The following MAP3K4 variants were observed in gnomAD, a reference collection of about 807,000 sequenced individuals.
The protein encoded by MAP3K4 is MAP three kinase 1.
Under a neutral mutation model 185.6 loss-of-function variants are expected in MAP3K4, and 67 were observed. The observed-to-expected ratio is 0.36, with a 90% CI of 0.30 to 0.44. The LOEUF (loss-of-function observed/expected upper bound fraction) is 0.44, where lower values mean the gene tolerates loss of function less well. Among genes scored for constraint, MAP3K4 ranks in the 20% least tolerant of loss-of-function variants. MAP3K4 has a pLI of 1.00. For missense variants in MAP3K4, 1,551 were observed against 1,995.1 expected, an observed-to-expected ratio of 0.78 and a Z score of 4.24; for synonymous variants, 702 against 710.4, an observed-to-expected ratio of 0.99 and a Z score of 0.19.
At chr6:161,025,560 A>T (rs958534443) in intron 1 of MAP3K4, among the ~76,000 whole-genome samples, 4 of 152,214 alleles carry the variant, frequency 2.6e-5, no homozygotes, top group Non-Finnish European at 5.9e-5. Flanking sequence ...TGTAATCCAA[A>T]TTTTAAGAAA....
At chr6:161,000,554 G>C (rs1781219011) in intron 1 of MAP3K4, among the ~76,000 whole-genome samples, 1 of 152,184 alleles carries the variant, frequency 6.6e-6, no homozygotes. Flanking sequence ...ATTAATTTTA[G>C]AGTAAAATTG....
At chr6:161,094,406 T>G (rs888005404) in intron 15 of MAP3K4, among the ~76,000 whole-genome samples, 2 of 152,254 alleles carry the variant, frequency 1.3e-5, no homozygotes, top group African/African-American at 4.8e-5. Flanking sequence ...GGTTACAGTT[T>G]ATGTACAATT....
chr6:161,101,775 G>T lies in MAP3K4; in HGVS notation c.3675-117G>T. The stretch of plus-strand genomic sequence containing the variant: ...CTAATACATTGCTGGAGGCAGAGTT[G>T]TTCCTGGCAGGCAGAGTTGCCCCCA... On this transcript the variant is annotated intron_variant, in intron 17 of 26. Coordinates refer to ENST00000392142, the MANE Select transcript of MAP3K4 (RefSeq NM_005922.4). The surrounding 1 kb of genome is among the most constrained non-coding windows in gnomAD (Gnocchi z 5.1). 1 of 803,148 alleles carries T rather than the reference G, an allele frequency of 1.2e-6. No homozygotes were observed. 49.8% of individuals were successfully genotyped at this position (803,148 alleles called of 1,614,324 possible).
chr6:161,114,785 A>G lies in MAP3K4; in HGVS notation c.4627-338A>G, dbSNP rs993465533. On this transcript the variant is annotated intron_variant, in intron 25 of 26. Transcript: ENST00000392142. The surrounding 1 kb of genome is among the most constrained non-coding windows in gnomAD (Gnocchi z 4.3). ...GTCATTTTATATATTTTTTAGTTGC[A>G]TGATGATGGCTTCTAGATACTGTTG... Among the ~76,000 whole-genome samples the G allele has an allele frequency of 1.3e-5, 2 of 152,178 alleles. No homozygotes were observed. The highest frequency in any genetic ancestry group is 1.3e-4 in the Admixed American group (2 of 15,274).
In MAP3K4 at chr6:161,093,422, T is replaced by C. The variant is rs1447217588; in HGVS notation, c.3349-351T>C. On this transcript the variant is annotated intron_variant, in intron 14 of 26. Coordinates refer to ENST00000392142, the MANE Select transcript of MAP3K4 (RefSeq NM_005922.4). This position sits in a 1 kb window ranked among gnomAD's most constrained non-coding sequence, Gnocchi z 5.2. ...TCATGCTCGTGTTAAATATTATCAC[T>C]GTTAGTCTGATAAGTGTCATCAGAT... 6.6e-6 allele frequency among the ~76,000 whole-genome samples: 1 copy of C among 152,234 alleles called. No homozygotes were observed. Among genetic ancestry groups the C allele is most frequent in the Admixed American group, 6.5e-5 (1 of 15,286 alleles).
chr6:161,075,910 A>G lies in MAP3K4; in HGVS notation c.2097+2298A>G, dbSNP rs1785153815. ...AGGGCAAAGGTGTGTTCTGAGGACT[A>G]GGGGAGCCCAAACAAAATCAGTGTT... On this transcript the variant is annotated intron_variant, in intron 5 of 26. Coordinates refer to ENST00000392142, the MANE Select transcript of MAP3K4 (RefSeq NM_005922.4). The surrounding 1 kb of genome is among the most constrained non-coding windows in gnomAD (Gnocchi z 4.3). Among the ~76,000 whole-genome samples the G allele has an allele frequency of 6.6e-6, 1 of 152,220 alleles. No individual in the cohort carries two copies. The highest frequency in any genetic ancestry group is 2.1e-4 in the South Asian group (1 of 4,828).
chr6:161,012,259 C>T (rs1781883948), intron 1 of MAP3K4, among the ~76,000 whole-genome samples: 1 of 152,186 alleles, frequency 6.6e-6, no homozygotes, highest in South Asian at 2.1e-4. Flanking sequence ...TGTTCTTTCT[C>T]AGCTCCATTC....
At chr6:161,028,573 C>T (rs1036027543) in intron 1 of MAP3K4, among the ~76,000 whole-genome samples, 2 of 152,032 alleles carry the variant, frequency 1.3e-5, no homozygotes, top group African/African-American at 4.8e-5. Context: ...GTTCTAGACA[C>T]CGGAGAAGCA....
At chr6:161,009,639 A>G in intron 1 of MAP3K4, among the ~76,000 whole-genome samples, 1 of 152,214 alleles carries the variant, frequency 6.6e-6, no homozygotes, top group East Asian at 1.9e-4. Flanking sequence ...CCATTCATCC[A>G]TTGATGAACA....
chr6:161,113,854 G>C (rs1778472896), intron 25 of MAP3K4, among the ~76,000 whole-genome samples: 1 of 121,192 alleles, frequency 8.3e-6, no homozygotes, highest in South Asian at 3.0e-4. Flanking sequence ...AGGAGTGCAA[G>C]TGGCATGATC....
In MAP3K4 at chr6:161,074,104, A is replaced by G. The variant is rs1785066738; in HGVS notation, c.2097+492A>G. Among the ~76,000 whole-genome samples the G allele has an allele frequency of 6.6e-6, 1 of 152,208 alleles. No individual in the cohort carries two copies. Among genetic ancestry groups the G allele is most frequent in the Admixed American group, 6.5e-5 (1 of 15,280 alleles). ...AAGACACTCGTAGTCTGGTGGGACT[A>G]GGCATGGTAGATGGTAACGCCCCCG... is the stretch of plus-strand genomic sequence containing the variant. On this transcript the variant is annotated intron_variant, in intron 5 of 26. Transcript: ENST00000392142. The surrounding 1 kb of genome is among the most constrained non-coding windows in gnomAD (Gnocchi z 5.0).
chr6:161,041,106 G>C (rs1783429338), intron 2 of MAP3K4, among the ~76,000 whole-genome samples: 1 of 152,236 alleles, frequency 6.6e-6, no homozygotes, highest in Non-Finnish European at 1.5e-5. Context: ...AGGTGGAGCA[G>C]AGCTAGAACT....
chr6:161,069,037 A>G (rs1228299893), intron 3 of MAP3K4, among the ~76,000 whole-genome samples: 1 of 152,208 alleles, frequency 6.6e-6, no homozygotes, highest in Non-Finnish European at 1.5e-5. Flanking sequence ...AACAGTAGTG[A>G]TTTTACTAAT....
rs917781410 is a variant in MAP3K4 at position 161,093,907 on chromosome 6, T to C, written c.3427+56T>C. 6.6e-5 allele frequency: 86 copies of C among 1,303,042 alleles called. No homozygotes were observed. The highest frequency in any genetic ancestry group is 9.1e-5 in the Non-Finnish European group (83 of 907,384). 80.7% of individuals were successfully genotyped at this position (1,303,042 alleles called of 1,614,324 possible). On this transcript the variant is annotated intron_variant, in intron 15 of 26. Coordinates refer to ENST00000392142, the MANE Select transcript of MAP3K4 (RefSeq NM_005922.4). This position sits in a 1 kb window ranked among gnomAD's most constrained non-coding sequence, Gnocchi z 5.2. ...GAACATAATGATTTGAGTGGACAGA[T>C]CCTCTTGTAATTGCAGTCGTTTAAA...
chr6:161,061,756 C>G lies in MAP3K4; in HGVS notation c.1708-8852C>G, dbSNP rs750035954. Among the ~76,000 whole-genome samples, 2 of 152,200 alleles carry G rather than the reference C, an allele frequency of 1.3e-5. No homozygotes were observed. Among genetic ancestry groups the G allele is most frequent in the Non-Finnish European group, 2.9e-5 (2 of 68,036 alleles). On this transcript the variant is annotated intron_variant, in intron 3 of 26. Transcript: ENST00000392142. The surrounding 1 kb of genome is among the most constrained non-coding windows in gnomAD (Gnocchi z 4.2). ...GCTTCTTTCATTTGCATAATGTTTT[C>G]AAGGTTCATCCTTGCTGTGGTATGT... is the stretch of plus-strand genomic sequence containing the variant.
intron 2 of MAP3K4, among the ~76,000 whole-genome samples, chr6:161,045,226 TG>T (rs149485611): frequency 3.3e-5 from 5 of 151,672 alleles, no homozygotes; most frequent in Admixed American, 1.3e-4. Flanking sequence ...TGTTTTGGGG[TG>T]GGGGGGAACA....
chr6:161,009,555 CG>C (rs1437975094), intron 1 of MAP3K4, among the ~76,000 whole-genome samples: 1 of 152,072 alleles, frequency 6.6e-6, no homozygotes, highest in African/African-American at 2.4e-5. Context: ...ATCCATGTTA[CG>C]GGGTGTCAGA....
At position 161,098,131 on chromosome 6, in the gene MAP3K4, C is replaced by G. The variant is rs1306188479; in HGVS notation, c.3525-147C>G. ...AAGTTAGGTTTTTTCTTTTTTACAC[C>G]TAGACTCAAATCTCAAAGAACAATT... is the stretch of plus-strand genomic sequence containing the variant. On this transcript the variant is annotated intron_variant, in intron 16 of 26. Transcript: ENST00000392142. This position sits in a 1 kb window ranked among gnomAD's most constrained non-coding sequence, Gnocchi z 4.4. 2 of 974,328 alleles carry G rather than the reference C, an allele frequency of 2.1e-6. No individual in the cohort carries two copies. Among genetic ancestry groups the G allele is most frequent in the Admixed American group, 4.8e-5 (2 of 42,068 alleles). 60.4% of individuals were successfully genotyped at this position (974,328 alleles called of 1,614,324 possible). A position where few individuals can be genotyped will look rare whatever the true frequency, so the allele number is the denominator to read the frequency against.
At chr6:161,026,230 A>C (rs1000995140) in intron 1 of MAP3K4, among the ~76,000 whole-genome samples, 9 of 151,818 alleles carry the variant, frequency 5.9e-5, no homozygotes, top group African/African-American at 2.2e-4. Flanking sequence ...TCCTGGGTTC[A>C]TGCCATTCTC....
Sources: gnomAD v4.1 joint callset for allele counts (sites outside exome capture counted in the v4.1 genomes callset) on GRCh38, gnomAD v4.1.1 for gene constraint, Gnocchi (gnomAD v3.1) non-coding constraint, MANE v1.5 for transcripts, NCBI Gene and HGNC (gene_info 2026-07-23, HGNC 2026-07-21) for gene names.